Variants in NSA2 observed in about 807,000 individuals in gnomAD.
The protein encoded by NSA2 is ribosome biogenesis protein NSA2 homolog.
A neutral mutation model predicts 34.8 loss-of-function variants in NSA2; 18 were observed. That is an observed-to-expected ratio of 0.52 (90% CI 0.36 to 0.77). The LOEUF (loss-of-function observed/expected upper bound fraction) is 0.77. NSA2 is among the 30% of genes least tolerant of loss of function. The probability of loss-of-function intolerance (pLI) is 0.00; values close to 1 mark genes in which losing one functional copy is unlikely to be tolerated. For synonymous variants in NSA2, 79 were observed against 100.2 expected, an observed-to-expected ratio of 0.79 and a Z score of 1.26; for missense variants, 188 against 314.7, an observed-to-expected ratio of 0.60 and a Z score of 3.05.
chr5:74,776,685 T>C lies in NSA2; in HGVS notation c.*14T>C, dbSNP rs200381888. Reference sequence around the variant, plus strand: ...TTACTGGTTTGACAGCAATTTCATATATAATTATTGAGGACTACACACCAA... The same window carrying C: ...TTACTGGTTTGACAGCAATTTCATACATAATTATTGAGGACTACACACCAA... On this transcript the variant is annotated 3_prime_UTR_variant, in exon 6 of 6. Coordinates refer to ENST00000610426, the MANE Select transcript of NSA2 (RefSeq NM_014886.6). The C allele has an allele frequency of 3.6e-5, 50 of 1,380,994 alleles. No homozygotes were observed. The East Asian group carries it at 1.1e-3, about 31-fold the overall frequency. The allele number at this position is 1,380,994 out of a possible 1,614,324, so 85.5% of individuals were successfully genotyped here. A position where few individuals can be genotyped will look rare whatever the true frequency, so the allele number is the denominator to read the frequency against.
chr5:74,767,310 G>T lies in NSA2; in HGVS notation c.-51G>T. 6.2e-7 allele frequency: 1 copy of T among 1,612,188 alleles called. No individual in the cohort carries two copies. On this transcript the variant is annotated 5_prime_UTR_variant, in exon 1 of 6. Transcript: ENST00000610426. The stretch of plus-strand genomic sequence containing the variant: ...TGGGTCTTTGAGACCCGAAAATTGA[G>T]AGCGTTTTCGCACTCCAGCGGCTGC...
chr5:74,774,447 C>CA lies in NSA2; in HGVS notation c.715+394dup, dbSNP rs1252118129. The stretch of plus-strand genomic sequence containing the variant: ...CAAAACCCCACCTCTACTAAAAATA[C>CA]AAAAAAATCAGCCGGGTGTGGTGGC... On this transcript the variant is annotated intron_variant, in intron 5 of 5. Coordinates refer to ENST00000610426, the MANE Select transcript of NSA2 (RefSeq NM_014886.6). Among the ~76,000 whole-genome samples, 6 of 151,816 alleles carry CA rather than the reference C, an allele frequency of 4.0e-5. No individual in the cohort carries two copies. In the East Asian group the frequency reaches 9.8e-4, roughly 25 times the overall value.
intron 2 of NSA2, 45 bp from the exon 3 acceptor site, chr5:74,769,169 C>G (rs1286701468): frequency 2.5e-6 from 4 of 1,591,704 alleles, no homozygotes; most frequent in Non-Finnish European, 3.4e-6. Flanking sequence ...TTTGAGTAAT[C>G]ATTATTAAAA....
At chr5:74,775,472 C>A (rs1381030788) in intron 5 of NSA2, among the ~76,000 whole-genome samples, 1 of 151,596 alleles carries the variant, frequency 6.6e-6, no homozygotes, top group African/African-American at 2.4e-5. Flanking sequence ...AAACAATTAG[C>A]CAGGTGTGGT....
At position 74,777,115 on chromosome 5, in the gene NSA2, G is replaced by A. The variant is rs1294187792; in HGVS notation, c.*444G>A. The A allele has an allele frequency of 1.3e-5, 2 of 152,292 alleles. No homozygotes were observed. Among genetic ancestry groups the A allele is most frequent in the African/African-American group, 4.9e-5 (2 of 40,982 alleles). 9.4% of individuals were successfully genotyped at this position (152,292 alleles called of 1,614,324 possible). ...AAGTTTATAGTGTTTGTTTACACTAGAAGTATGTGAGAAGACACTAAAAGT... is the reference window on the plus strand; with the variant it reads ...AAGTTTATAGTGTTTGTTTACACTAAAAGTATGTGAGAAGACACTAAAAGT... On this transcript the variant is annotated 3_prime_UTR_variant, in exon 6 of 6. Transcript: ENST00000610426.
intron 1 of NSA2, 122 bp downstream of exon 1, chr5:74,767,485 A>G (rs1744720505): frequency 4.1e-6 from 5 of 1,227,166 alleles, no homozygotes; most frequent in Non-Finnish European, 5.9e-6. Context: ...GCCAAGAGAA[A>G]AGGATGGTAG....
intron 4 of NSA2, among the ~76,000 whole-genome samples, chr5:74,772,066 A>G (rs1744953148): frequency 6.6e-6 from 1 of 151,920 alleles, no homozygotes; most frequent in African/African-American, 2.4e-5. Flanking sequence ...TCAAAAAAAC[A>G]AAGTATCAGA....
chr5:74,769,088 G>A lies in NSA2; in HGVS notation c.161G>A (p.Arg54His), dbSNP rs1156722443. 6.2e-7 allele frequency: 1 copy of A among 1,606,116 alleles called. No homozygotes were observed. The highest frequency in any genetic ancestry group is 1.7e-5 in the Admixed American group (1 of 57,762). Residue 54 changes from arginine (R) to histidine (H), a missense_variant, in exon 2 of 6, where the codon CGT becomes CAT. Transcript: ENST00000610426. ...GLKAKLYHKQ[R>H]HAEKIQMKKT... is the part of the protein sequence containing the mutation. ...AAGGCTAAGCTTTACCATAAACAGC[G>A]TCATGCTGAGAAAATACAAATGAAA...
chr5:74,772,849 T>C (rs748488428), intron 4 of NSA2, among the ~76,000 whole-genome samples: 2 of 152,152 alleles, frequency 1.3e-5, no homozygotes, highest in African/African-American at 2.4e-5. Context: ...TTTAGTGATT[T>C]TTTCCCCCCA....
At chr5:74,772,009 A>G (rs1744951303) in intron 4 of NSA2, among the ~76,000 whole-genome samples, 1 of 152,086 alleles carries the variant, frequency 6.6e-6, no homozygotes, top group African/African-American at 2.4e-5. Context: ...ATTTTTGCAA[A>G]ATCCCTTCAA....
intron 3 of NSA2, 169 bp downstream of exon 3, chr5:74,769,533 A>G (rs978688073): frequency 1.1e-4 from 57 of 510,618 alleles, no homozygotes; most frequent in Admixed American, 9.2e-4. Context: ...TTCTCATCAT[A>G]AGGTTTTAAA....
chr5:74,776,195 G>GTAAT (rs1011594389), intron 5 of NSA2, among the ~76,000 whole-genome samples: 2 of 152,084 alleles, frequency 1.3e-5, no homozygotes, highest in African/African-American at 2.4e-5. Context: ...ATTGAAAGTG[G>GTAAT]TAATTAGAAA....
In NSA2 at chr5:74,769,104, A is replaced by G; in HGVS notation, c.177A>G (p.Ile59Met). The change falls in exon 2 of 6, where the codon ATA becomes ATG. Residue 59 changes from isoleucine (I) to methionine (M), a missense_variant. Ile to Met is a conservative substitution (Grantham distance 10). Coordinates refer to ENST00000610426, the MANE Select transcript of NSA2 (RefSeq NM_014886.6). ...ATAAACAGCGTCATGCTGAGAAAAT[A>G]CAAATGAAAAAGACGTAAGTGGTCT... ...LYHKQRHAEKIQMKKTIKMHE... is the reference protein window; with the variant it reads ...LYHKQRHAEKMQMKKTIKMHE... 1 of 1,603,210 alleles carries G rather than the reference A, an allele frequency of 6.2e-7. No individual in the cohort carries two copies. Among genetic ancestry groups the G allele is most frequent in the Non-Finnish European group, 8.5e-7 (1 of 1,177,466 alleles).
intron 4 of NSA2, among the ~76,000 whole-genome samples, 192 bp downstream of exon 4, chr5:74,771,002 G>T (rs1376489000): frequency 6.6e-6 from 1 of 152,204 alleles, no homozygotes; most frequent in Non-Finnish European, 1.5e-5. Flanking sequence ...CTTTAGCCCA[G>T]TGCGGTGGCT....
In NSA2 at chr5:74,779,707, G is replaced by A. The variant is rs1354333421; in HGVS notation, c.*3036G>A. On this transcript the variant is annotated 3_prime_UTR_variant, in exon 6 of 6. Transcript: ENST00000610426. ...TTTTCATTTAGAATGAAATAATCTG[G>A]CTTACCTTTGACTAATTAAAGAAAA... The A allele has an allele frequency of 2.0e-5, 3 of 151,826 alleles. No homozygotes were observed. The highest frequency in any genetic ancestry group is 4.4e-5 in the Non-Finnish European group (3 of 67,936). 9.4% of individuals were successfully genotyped at this position (151,826 alleles called of 1,614,324 possible).
intron 3 of NSA2, among the ~76,000 whole-genome samples, chr5:74,770,263 G>A (rs199810382): frequency 1.1e-4 from 17 of 151,462 alleles, no homozygotes; most frequent in Middle Eastern, 3.4e-3. Context: ...CCCAGGAGGC[G>A]GAGGCTGCAC....
At chr5:74,775,044 C>T (rs972289414) in intron 5 of NSA2, among the ~76,000 whole-genome samples, 6 of 151,692 alleles carry the variant, frequency 4.0e-5, no homozygotes, top group African/African-American at 1.5e-4. Flanking sequence ...GGTGAAACCC[C>T]ATCTCTACTA....
Position 74,779,401 on chromosome 5 carries a change from G to A in NSA2, c.*2730G>A, listed in dbSNP as rs552380016. 10 of 152,150 alleles carry A rather than the reference G, an allele frequency of 6.6e-5. No homozygotes were observed. Among genetic ancestry groups the A allele is most frequent in the East Asian group, 1.9e-4 (1 of 5,178 alleles). 9.4% of individuals were successfully genotyped at this position (152,150 alleles called of 1,614,324 possible). ...CAAGGATGACACAAATTCATGAAGC[G>A]TTTCCATGTTTAAAATAATTTGAAA... On this transcript the variant is annotated 3_prime_UTR_variant, in exon 6 of 6. Transcript: ENST00000610426.
At position 74,769,363 on chromosome 5, in the gene NSA2, C is replaced by T. The variant is rs1744843919; in HGVS notation, c.341C>T (p.Ala114Val). 5.0e-6 allele frequency: 8 copies of T among 1,591,794 alleles called. No individual in the cohort carries two copies. The highest frequency in any genetic ancestry group is 2.3e-5 in the South Asian group (2 of 86,178). The change falls in exon 3 of 6, where the codon GCG becomes GTG. Residue 114 changes from alanine (A) to valine (V), a missense_variant and splice_region_variant. Transcript: ENST00000610426. ...ATTAAACAGAAAAGAAAAGAGAAGG[C>T]GGTAAGCAATAACAATTGAAGTCTT... ...NMIKQKRKEK[A>V]GKWEVPLPKV...
Sources: gnomAD v4.1 joint callset for allele counts (sites outside exome capture counted in the v4.1 genomes callset) on GRCh38, gnomAD v4.1.1 for gene constraint, MANE v1.5 for transcripts, NCBI Gene and HGNC (gene_info 2026-07-23, HGNC 2026-07-21) for gene names.